The following CTNNA3 variants were observed in gnomAD, a reference collection of about 807,000 sequenced individuals.
The protein encoded by CTNNA3 is catenin alpha-3.
A neutral mutation model predicts 95.7 loss-of-function variants in CTNNA3; 76 were observed. The observed-to-expected ratio is 0.79, with a 90% CI of 0.66 to 0.96. The LOEUF is 0.96. CTNNA3 is among the 40% of genes least tolerant of loss of function. The pLI, the probability that CTNNA3 is intolerant of heterozygous loss-of-function variation, is 0.00. For synonymous variants in CTNNA3, 431 were observed against 374.4 expected, an observed-to-expected ratio of 1.15 and a Z score of -1.74; for missense variants, 1,191 against 1,089.8, an observed-to-expected ratio of 1.09 and a Z score of -1.31.
At chr10:66,636,154 C>A (rs1845330023) in intron 9 of CTNNA3, among the ~76,000 whole-genome samples, 1 of 151,812 alleles carries the variant, frequency 6.6e-6, no homozygotes, top group African/African-American at 2.4e-5. Flanking sequence ...ATTCTTGGGT[C>A]CCTGAATCTC....
intron 9 of CTNNA3, among the ~76,000 whole-genome samples, chr10:66,683,618 T>C (rs1212038760): frequency 6.9e-6 from 1 of 145,798 alleles, no homozygotes; most frequent in Non-Finnish European, 1.5e-5. Context: ...TGCAGTAATG[T>C]GCTATGCAAG....
At chr10:67,186,062 C>A (rs1479686113) in intron 6 of CTNNA3, among the ~76,000 whole-genome samples, 2 of 151,578 alleles carry the variant, frequency 1.3e-5, no homozygotes, top group Non-Finnish European at 2.9e-5. Context: ...CCATTTAAAA[C>A]CTTTTTGGAA....
At chr10:66,112,481 C>T (rs1002864585) in intron 13 of CTNNA3, among the ~76,000 whole-genome samples, 1 of 152,046 alleles carries the variant, frequency 6.6e-6, no homozygotes, top group African/African-American at 2.4e-5. Flanking sequence ...ATTGTATTAA[C>T]ATTTAATATG....
intron 5 of CTNNA3, among the ~76,000 whole-genome samples, chr10:67,468,009 C>T (rs1847666145): frequency 6.6e-6 from 1 of 151,804 alleles, no homozygotes; most frequent in Non-Finnish European, 1.5e-5. Flanking sequence ...CTGTGCCTAG[C>T]CTCCAACTTT....
At chr10:66,728,999 A>C (rs1303539223) in intron 9 of CTNNA3, among the ~76,000 whole-genome samples, 1 of 152,198 alleles carries the variant, frequency 6.6e-6, no homozygotes, top group Non-Finnish European at 1.5e-5. Flanking sequence ...TGATTTATTA[A>C]ATAAGGAGTC....
At chr10:66,350,254 A>G (rs1466650551) in intron 12 of CTNNA3, among the ~76,000 whole-genome samples, 2 of 152,120 alleles carry the variant, frequency 1.3e-5, no homozygotes, top group African/African-American at 4.8e-5. Flanking sequence ...AAGACTATAC[A>G]TGGAAGCAAG....
intron 9 of CTNNA3, among the ~76,000 whole-genome samples, chr10:66,697,033 A>G (rs764852436): frequency 6.6e-6 from 1 of 152,028 alleles, no homozygotes; most frequent in Non-Finnish European, 1.5e-5. Flanking sequence ...TGAACGCTCT[A>G]TCTCCCAAGA....
Position 66,364,069 on chromosome 10 carries a change from AC to A in CTNNA3, c.1732+15082del, listed in dbSNP as rs562295063. On this transcript the variant is annotated intron_variant, in intron 12 of 17. Coordinates refer to ENST00000433211, the MANE Select transcript of CTNNA3 (RefSeq NM_013266.4). ...AATACAGCTTTTGGTTTTAATATCT[AC>A]AAATATTATTTGCCTACTAAACCAC... is the stretch of plus-strand genomic sequence containing the variant. Among the ~76,000 whole-genome samples the A allele has an allele frequency of 6.6e-5, 10 of 152,164 alleles. No homozygotes were observed. In the East Asian group the frequency reaches 1.4e-3, roughly 21 times the overall value.
rs527660947 is a variant in CTNNA3 at position 67,634,748 on chromosome 10, T to A, written c.99+12667A>T. On this transcript the variant is annotated intron_variant, in intron 2 of 17. Coordinates refer to ENST00000433211, the MANE Select transcript of CTNNA3 (RefSeq NM_013266.4). ...GACAAAGAAGGGCATTACATAATGA[T>A]AAAGGGTTCAAACTGACAAGAAAAG... Among the ~76,000 whole-genome samples, 32 of 152,274 alleles carry A rather than the reference T, an allele frequency of 2.1e-4. 1 individual carries two copies. The South Asian group carries it at 5.6e-3, about 27-fold the overall frequency.
intron 9 of CTNNA3, among the ~76,000 whole-genome samples, chr10:66,715,367 G>C (rs775924473): frequency 6.6e-6 from 1 of 151,876 alleles, no homozygotes; most frequent in Non-Finnish European, 1.5e-5. Flanking sequence ...AATAGTTATG[G>C]CTCCTTAAGG....
chr10:67,373,441 T>C (rs1031931482), intron 5 of CTNNA3, among the ~76,000 whole-genome samples: 2 of 152,198 alleles, frequency 1.3e-5, no homozygotes, highest in African/African-American at 2.4e-5. Context: ...TAAATATATA[T>C]GCACCCAATA....
intron 7 of CTNNA3, among the ~76,000 whole-genome samples, chr10:66,983,404 T>C (rs1850556631): frequency 6.6e-6 from 1 of 152,168 alleles, no homozygotes; most frequent in Non-Finnish European, 1.5e-5. Context: ...TAGTGAGTTT[T>C]GTACGGGTGC....
intron 7 of CTNNA3, among the ~76,000 whole-genome samples, chr10:67,111,775 G>A (rs748859717): frequency 6.6e-6 from 1 of 151,818 alleles, no homozygotes; most frequent in East Asian, 1.9e-4. Flanking sequence ...AGTCTCCCCA[G>A]GATACCACTA....
intron 13 of CTNNA3, among the ~76,000 whole-genome samples, chr10:66,159,313 T>C (rs1223578876): frequency 1.3e-5 from 2 of 152,106 alleles, no homozygotes; most frequent in East Asian, 1.9e-4. Context: ...ATGGCTTTTA[T>C]TACATTAAGG....
chr10:66,207,187 G>A (rs1017683380), intron 13 of CTNNA3, among the ~76,000 whole-genome samples: 4 of 150,962 alleles, frequency 2.6e-5, no homozygotes, highest in African/African-American at 9.7e-5. Context: ...TATATCTAAT[G>A]ATCTATCTAA....
chr10:66,623,714 A>G (rs1844832363), intron 9 of CTNNA3, among the ~76,000 whole-genome samples: 1 of 136,904 alleles, frequency 7.3e-6, no homozygotes, highest in African/African-American at 2.6e-5. Context: ...TTACTAGGTA[A>G]TAGAGTATAT....
chr10:67,732,065 C>T (rs534751198), intron 1 of CTNNA3, among the ~76,000 whole-genome samples: 1 of 151,664 alleles, frequency 6.6e-6, no homozygotes, highest in South Asian at 2.1e-4. Context: ...CAGGCGTGAG[C>T]CATCATGCCT....
At chr10:67,407,392 TA>T (rs1845177181) in intron 5 of CTNNA3, among the ~76,000 whole-genome samples, 1 of 152,148 alleles carries the variant, frequency 6.6e-6, no homozygotes, top group African/African-American at 2.4e-5. Flanking sequence ...AAGCTCTCAA[TA>T]AACTCGGTTT....
intron 1 of CTNNA3, among the ~76,000 whole-genome samples, chr10:67,745,257 C>A (rs1841367669): frequency 6.6e-6 from 1 of 152,032 alleles, no homozygotes; most frequent in African/African-American, 2.4e-5. Flanking sequence ...TTGGAACCAA[C>A]CTAAATATCC....
Sources: allele counts gnomAD v4.1 joint callset (sites outside exome capture counted in the v4.1 genomes callset), GRCh38; gene constraint gnomAD v4.1.1; transcripts MANE v1.5; gene names NCBI Gene and HGNC (gene_info 2026-07-23, HGNC 2026-07-21).